WDR59: variants seen among roughly 807,000 people sequenced by gnomAD.
WDR59 encodes the protein GATOR2 complex protein WDR59.
WDR59 carries 100 observed loss-of-function variants against 131.2 expected under a neutral mutation model. The observed-to-expected ratio is 0.76, with a 90% CI of 0.65 to 0.90. The LOEUF is 0.90. Ranked by LOEUF, WDR59 falls within the 40% of genes least tolerant of loss-of-function variation. The pLI, the probability that WDR59 is intolerant of heterozygous loss-of-function variation, is 0.00. For synonymous variants in WDR59, 601 were observed against 466.2 expected (o/e 1.29, Z -3.72); for missense variants, 1,203 against 1,262.2 (o/e 0.95, Z 0.71).
chr16:74,912,400 C>A, intron 13 of WDR59, 38 bp from the exon 14 acceptor site: 1 of 1,592,842 alleles, frequency 6.3e-7, no homozygotes, highest in South Asian at 1.1e-5. Flanking sequence ...TAGAAACAAA[C>A]CATAAAGCGT....
intron 11 of WDR59, among the ~76,000 whole-genome samples, chr16:74,917,428 G>A (rs951134562): frequency 1.3e-5 from 2 of 152,198 alleles, no homozygotes; most frequent in African/African-American, 2.4e-5. Flanking sequence ...TGGCCTTAAA[G>A]TGCTGAATAC....
At chr16:74,930,848 G>C (rs1597737668) in intron 8 of WDR59, 1 of 122,338 alleles carries the variant, frequency 8.2e-6, no homozygotes, top group Non-Finnish European at 1.6e-5. Flanking sequence ...AGCTGAGATT[G>C]TGCCACAACA....
chr16:74,984,677 T>A, intron 1 of WDR59: 1 of 421,810 alleles, frequency 2.4e-6, no homozygotes, highest in Non-Finnish European at 4.3e-6. Flanking sequence ...GTGGGAAGCC[T>A]CCCCTCAGCA....
intron 11 of WDR59, 39 bp from the exon 12 acceptor site, chr16:74,916,298 C>T (rs16950254): frequency 0.024 from 38,061 of 1,611,118 alleles, 1,107 homozygotes; most frequent in South Asian, 0.12. Flanking sequence ...TAGAGAAGTC[C>T]GTGGAAATGA....
chr16:74,888,251 T>C lies in WDR59; in HGVS notation c.2264A>G (p.Gln755Arg). 6.2e-7 allele frequency: 1 copy of C among 1,614,078 alleles called. No individual in the cohort carries two copies. The highest frequency in any genetic ancestry group is 8.5e-7 in the Non-Finnish European group (1 of 1,179,982). Reference sequence around the variant, plus strand: ...GTTTGGTAGCCCCTGAGGCCGAGACTGGGCTTCAAACACGCTACAGAGCAT... The same window carrying C: ...GTTTGGTAGCCCCTGAGGCCGAGACCGGGCTTCAAACACGCTACAGAGCAT... ...LAMLCSVFEA[Q>R]SRPQGLPNPF... Residue 755 changes from glutamine to arginine, a missense_variant, in exon 22 of 26, where the codon CAG (glutamine) becomes CGG (arginine). Coordinates refer to ENST00000262144, the MANE Select transcript of WDR59 (RefSeq NM_030581.4).
chr16:74,903,508 A>T (rs1017157755), intron 18 of WDR59, among the ~76,000 whole-genome samples: 2 of 152,120 alleles, frequency 1.3e-5, no homozygotes, highest in Non-Finnish European at 2.9e-5. Flanking sequence ...AAAAACAAAA[A>T]ACCTTTCAGA....
In WDR59 at chr16:74,885,799, G is replaced by A. The variant is rs368220022; in HGVS notation, c.2547-4C>T. On this transcript the variant is annotated splice_region_variant and splice_polypyrimidine_tract_variant and intron_variant, in intron 24 of 25. Coordinates refer to ENST00000262144, the MANE Select transcript of WDR59 (RefSeq NM_030581.4). ...GGTATTGGCGGGGTCCAGGAGCCTG[G>A]ATAAAGTTAAAAAGATTTCCTGTCA... 2 of 1,608,602 alleles carry A rather than the reference G, an allele frequency of 1.2e-6. No individual in the cohort carries two copies. The highest frequency in any genetic ancestry group is 1.3e-5 in the African/African-American group (1 of 74,392).
intron 11 of WDR59, among the ~76,000 whole-genome samples, chr16:74,916,938 A>G (rs561009546): frequency 1.3e-5 from 2 of 152,306 alleles, no homozygotes; most frequent in East Asian, 1.9e-4. Context: ...TTGAAAATGC[A>G]ATAAGGTAAT....
intron 10 of WDR59, among the ~76,000 whole-genome samples, chr16:74,920,642 C>T (rs2030122755): frequency 1.3e-5 from 2 of 152,322 alleles, no homozygotes; most frequent in South Asian, 4.1e-4. Context: ...CCGCCCACCT[C>T]AGCCTCCCAA....
intron 1 of WDR59, among the ~76,000 whole-genome samples, chr16:74,982,872 G>C (rs928724473): frequency 6.6e-6 from 1 of 152,124 alleles, no homozygotes; most frequent in African/African-American, 2.4e-5. Flanking sequence ...AGACAGGATG[G>C]GGTTTTGGAA....
At chr16:74,955,008 G>C (rs549839630) in intron 3 of WDR59, among the ~76,000 whole-genome samples, 2 of 152,220 alleles carry the variant, frequency 1.3e-5, no homozygotes, top group African/African-American at 4.8e-5. Context: ...GGTTTTACCC[G>C]GGAGGGATAG....
At chr16:74,911,951 A>G (rs1240296802) in intron 14 of WDR59, 8 of 549,680 alleles carry the variant, frequency 1.5e-5, no homozygotes, top group African/African-American at 3.7e-5. Context: ...GATTTTTCTG[A>G]GGAAGGGTCC....
At position 74,885,692 on chromosome 16, in the gene WDR59, T is replaced by G; in HGVS notation, c.2650A>C (p.Lys884Gln). The G allele has an allele frequency of 1.2e-6, 2 of 1,613,970 alleles. No homozygotes were observed. Among genetic ancestry groups the G allele is most frequent in the Non-Finnish European group, 1.7e-6 (2 of 1,179,978 alleles). The change falls in exon 25 of 26, where the codon AAG becomes CAG. Residue 884 changes from lysine (K) to glutamine (Q), a missense_variant. Transcript: ENST00000262144. ...GLREKRAEVLKFVSCPPDPHK... is the reference protein window; with the variant it reads ...GLREKRAEVLQFVSCPPDPHK... Reference sequence around the variant, plus strand: ...GGGTCAGGAGGACAGGAGACAAACTTCAACACTTCAGCTCGCTTCTCTCTC... The same window carrying G: ...GGGTCAGGAGGACAGGAGACAAACTGCAACACTTCAGCTCGCTTCTCTCTC...
chr16:74,913,070 TGG>T (rs56771975), intron 13 of WDR59, among the ~76,000 whole-genome samples: 47,794 of 143,478 alleles, frequency 0.33, 8,137 homozygotes, highest in African/African-American at 0.42. Flanking sequence ...GGCTAGATTT[TGG>T]GGGGGGGGGG....
chr16:74,881,193 C>T (rs1964463857), intron 25 of WDR59, among the ~76,000 whole-genome samples: 1 of 152,112 alleles, frequency 6.6e-6, no homozygotes, highest in African/African-American at 2.4e-5. Context: ...AACCATGAGC[C>T]CCGTCTGTAA....
chr16:74,964,304 G>A (rs112524791), intron 2 of WDR59, among the ~76,000 whole-genome samples: 173 of 151,508 alleles, frequency 1.1e-3, no homozygotes, highest in African/African-American at 3.8e-3. Flanking sequence ...ACTTGAAACC[G>A]GAAGGCGGAG....
Position 74,909,915 on chromosome 16 carries a change from G to A in WDR59, c.1392C>T (p.Ile464=), listed in dbSNP as rs200218869. ...TSTMKAKLLK[I]LKDTALQKVK... ...CTTTCTGCAGGGCTGTGTCCTTCAG[G>A]ATCTAGAAAAGGCCCAAAACACAGT... Residue 464 remains isoleucine (I), a splice_region_variant and synonymous_variant, in exon 15 of 26, where the codon ATC becomes ATT. Coordinates refer to ENST00000262144, the MANE Select transcript of WDR59 (RefSeq NM_030581.4). 4.5e-5 allele frequency: 73 copies of A among 1,607,530 alleles called. No individual in the cohort carries two copies. The highest frequency in any genetic ancestry group is 1.3e-5 in the African/African-American group (1 of 74,304).
At chr16:74,978,884 A>G (rs1597827237) in intron 1 of WDR59, 1 of 152,302 alleles carries the variant, frequency 6.6e-6, no homozygotes, top group Middle Eastern at 3.4e-3. Flanking sequence ...CAGATCCTGA[A>G]GTGGAGACAC....
At chr16:74,980,125 C>A (rs923015146) in intron 1 of WDR59, among the ~76,000 whole-genome samples, 6 of 151,772 alleles carry the variant, frequency 4.0e-5, no homozygotes, top group African/African-American at 1.5e-4. Context: ...TCCCAAAGTG[C>A]TGGAGTTATA....
Sources: gnomAD v4.1 joint callset for allele counts (sites outside exome capture counted in the v4.1 genomes callset) on GRCh38, gnomAD v4.1.1 for gene constraint, MANE v1.5 for transcripts, NCBI Gene and HGNC (gene_info 2026-07-23, HGNC 2026-07-21) for gene names.